The following WWOX variants were observed in gnomAD, a reference collection of about 807,000 sequenced individuals.
WWOX encodes the protein WW domain containing oxidoreductase, also known as WW domain-containing oxidoreductase.
A neutral mutation model predicts 46.2 loss-of-function variants in WWOX; 69 were observed. The observed-to-expected ratio is 1.49, with a 90% CI of 1.23 to 1.82. The LOEUF (loss-of-function observed/expected upper bound fraction) is 1.82, where lower values mean the gene tolerates loss of function less well. Ranked by LOEUF, WWOX falls within the 40% of genes most tolerant of loss-of-function variation. WWOX has a pLI of 0.00. For missense variants in WWOX, 919 were observed against 542.6 expected (o/e 1.69, Z -6.89); for synonymous variants, 359 against 202.6 (o/e 1.77, Z -6.56).
chr16:79,178,669 C>T (rs185709744), intron 8 of WWOX, among the ~76,000 whole-genome samples: 23 of 152,182 alleles, frequency 1.5e-4, no homozygotes, highest in East Asian at 9.7e-4. Context: ...TCGAAGAATC[C>T]GTAGTCCATT....
At chr16:78,394,387 T>G (rs1280245181) in intron 6 of WWOX, among the ~76,000 whole-genome samples, 1 of 152,182 alleles carries the variant, frequency 6.6e-6, no homozygotes, top group African/African-American at 2.4e-5. Flanking sequence ...AATTTTTTTT[T>G]CTATCCCATA....
At chr16:78,798,970 C>A (rs561291337) in intron 8 of WWOX, among the ~76,000 whole-genome samples, 1 of 152,074 alleles carries the variant, frequency 6.6e-6, no homozygotes, top group African/African-American at 2.4e-5. Context: ...CTTTCTTGGT[C>A]TATTAATTCA....
intron 8 of WWOX, among the ~76,000 whole-genome samples, chr16:78,571,808 G>A (rs145017177): frequency 0.018 from 2,723 of 152,256 alleles, 44 homozygotes; most frequent in Admixed American, 0.042. Flanking sequence ...ACAGGTTGTA[G>A]TGAGCTGAGA....
chr16:78,493,228 A>G (rs2084829796), intron 8 of WWOX, among the ~76,000 whole-genome samples: 1 of 152,156 alleles, frequency 6.6e-6, no homozygotes, highest in Non-Finnish European at 1.5e-5. Context: ...TGGACCTGAC[A>G]CTCACTCTTT....
chr16:78,700,312 C>G (rs1385957426), intron 8 of WWOX, among the ~76,000 whole-genome samples: 48 of 130,432 alleles, frequency 3.7e-4, no homozygotes, highest in Admixed American at 6.4e-4. Context: ...ACTTAGTAGA[C>G]AGAGAGAGAG....
At chr16:78,600,577 A>G (rs551560048) in intron 8 of WWOX, among the ~76,000 whole-genome samples, 13 of 152,306 alleles carry the variant, frequency 8.5e-5, no homozygotes, top group African/African-American at 1.4e-4. Context: ...TTGTGGGGCT[A>G]TAGTCCAGAG....
chr16:78,169,989 T>C (rs1234047779), intron 5 of WWOX, among the ~76,000 whole-genome samples: 5 of 152,112 alleles, frequency 3.3e-5, no homozygotes, highest in African/African-American at 1.2e-4. Context: ...TGGCCACAGG[T>C]TGGTCAGAGA....
chr16:78,939,776 TC>T (rs2151290940), intron 8 of WWOX, among the ~76,000 whole-genome samples: 1 of 152,358 alleles, frequency 6.6e-6, no homozygotes, highest in South Asian at 2.1e-4. Flanking sequence ...ACTTCAGTTC[TC>T]CAAATTCCAC....
intron 8 of WWOX, among the ~76,000 whole-genome samples, chr16:78,993,571 G>T (rs1457561023): frequency 6.6e-6 from 1 of 152,162 alleles, no homozygotes; most frequent in Non-Finnish European, 1.5e-5. Flanking sequence ...CTGGGTGTAC[G>T]GAGCCCGGAA....
At chr16:79,014,027 AG>A (rs2047364752) in intron 8 of WWOX, among the ~76,000 whole-genome samples, 1 of 152,206 alleles carries the variant, frequency 6.6e-6, no homozygotes, top group Admixed American at 6.5e-5. Flanking sequence ...CTTCTCAGGC[AG>A]TAATTTAGAG....
chr16:78,584,829 A>T (rs1948433847), intron 8 of WWOX, among the ~76,000 whole-genome samples: 1 of 152,204 alleles, frequency 6.6e-6, no homozygotes, highest in South Asian at 2.1e-4. Flanking sequence ...TAAAAGTTCA[A>T]GCTATATGCT....
intron 8 of WWOX, among the ~76,000 whole-genome samples, chr16:79,175,567 A>T (rs2050783875): frequency 6.6e-6 from 1 of 152,182 alleles, no homozygotes; most frequent in Admixed American, 6.5e-5. Flanking sequence ...GGGTGAAAGA[A>T]TCCCAGGGAG....
chr16:78,425,070 C>A lies in WWOX; in HGVS notation c.791+15C>A, dbSNP rs754689899. The A allele has an allele frequency of 5.6e-6, 9 of 1,612,724 alleles. No individual in the cohort carries two copies. The South Asian group carries it at 8.8e-5, about 16-fold the overall frequency. On this transcript the variant is annotated intron_variant, in intron 7 of 8. Transcript: ENST00000566780. ...GAGTCCCATCGGTGGGTTTGAATTG[C>A]ATATTTGTTCACTTATCCCCTTTCT...
chr16:78,633,486 A>T (rs1338927856), intron 8 of WWOX, among the ~76,000 whole-genome samples: 1 of 152,178 alleles, frequency 6.6e-6, no homozygotes, highest in African/African-American at 2.4e-5. Flanking sequence ...ACGAGTTCAG[A>T]ACTTTGGTTA....
rs962737430 is a variant in WWOX at position 79,176,485 on chromosome 16, G to A, written c.1057-35123G>A. On this transcript the variant is annotated intron_variant, in intron 8 of 8. Coordinates refer to ENST00000566780, the MANE Select transcript of WWOX (RefSeq NM_016373.4). ...GTTAAGAAGCTGGCAGTCTGTCACAGGAGCTACTTGAGGATACACACAGTT... is the reference window on the plus strand; with the variant it reads ...GTTAAGAAGCTGGCAGTCTGTCACAAGAGCTACTTGAGGATACACACAGTT... 2.0e-5 allele frequency among the ~76,000 whole-genome samples: 3 copies of A among 152,288 alleles called. 1 individual carries two copies. Among genetic ancestry groups the A allele is most frequent in the South Asian group, 2.1e-4 (1 of 4,824 alleles).
chr16:78,525,041 T>C (rs1242778680), intron 8 of WWOX: 1 of 151,468 alleles, frequency 6.6e-6, no homozygotes, highest in African/African-American at 2.4e-5. Context: ...ACTTGTTTAA[T>C]TTTTTGCAGA....
chr16:78,849,146 C>G (rs1390700411), intron 8 of WWOX, among the ~76,000 whole-genome samples: 1 of 152,120 alleles, frequency 6.6e-6, no homozygotes, highest in East Asian at 1.9e-4. Context: ...ACTGTGTACC[C>G]CTCCTAGTTT....
chr16:78,512,590 G>C (rs2085387628), intron 8 of WWOX, among the ~76,000 whole-genome samples: 1 of 152,174 alleles, frequency 6.6e-6, no homozygotes, highest in Admixed American at 6.5e-5. Context: ...TGTTCATTCA[G>C]CAAATAGGAC....
At chr16:78,772,357 G>A (rs1045584310) in intron 8 of WWOX, among the ~76,000 whole-genome samples, 6 of 152,126 alleles carry the variant, frequency 3.9e-5, no homozygotes, top group African/African-American at 7.2e-5. Context: ...CCGTGTTCTC[G>A]CAGAAGACAT....
Sources: gnomAD v4.1 joint callset for allele counts (sites outside exome capture counted in the v4.1 genomes callset) on GRCh38, gnomAD v4.1.1 for gene constraint, MANE v1.5 for transcripts, NCBI Gene and HGNC (gene_info 2026-07-23, HGNC 2026-07-21) for gene names.